Variants in CNTN3 observed in about 807,000 individuals in gnomAD.
CNTN3 encodes contactin 3, also known as contactin-3.
Under a neutral mutation model 119.1 loss-of-function variants are expected in CNTN3, and 60 were observed. The observed-to-expected ratio is 0.50, with a 90% confidence interval of 0.41 to 0.62. The LOEUF (loss-of-function observed/expected upper bound fraction) is 0.62. CNTN3 is among the 20% of genes least tolerant of loss of function. The pLI is 0.00. For synonymous variants in CNTN3, 450 were observed against 438.7 expected (o/e 1.03, Z -0.32); for missense variants, 1,101 against 1,242.4 (o/e 0.89, Z 1.71).
chr3:74,436,546 T>A (rs1038062379), intron 4 of CNTN3, among the ~76,000 whole-genome samples: 57 of 152,128 alleles, frequency 3.7e-4, no homozygotes, highest in African/African-American at 1.2e-3. Context: ...ACAAAACTAA[T>A]TACGCTAGTA....
intron 1 of CNTN3, among the ~76,000 whole-genome samples, chr3:74,537,006 A>ACAC (rs1191120593): frequency 6.6e-6 from 1 of 151,462 alleles, no homozygotes; most frequent in Non-Finnish European, 1.5e-5. Context: ...AAACACACAC[A>ACAC]CACACACAGC....
chr3:74,297,300 T>G (rs1255334159), intron 18 of CNTN3, among the ~76,000 whole-genome samples: 1 of 152,086 alleles, frequency 6.6e-6, no homozygotes, highest in Non-Finnish European at 1.5e-5. Context: ...ATAAACAGAT[T>G]TTTAAATTGA....
chr3:74,278,064 T>C (rs1338480161), intron 20 of CNTN3, among the ~76,000 whole-genome samples: 1 of 147,740 alleles, frequency 6.8e-6, no homozygotes, highest in Non-Finnish European at 1.5e-5. Context: ...AACCAGGAGA[T>C]GAAAGACCTC....
chr3:74,467,290 G>C (rs1406635943), intron 4 of CNTN3, among the ~76,000 whole-genome samples: 1 of 152,064 alleles, frequency 6.6e-6, no homozygotes, highest in African/African-American at 2.4e-5. Context: ...ATTATGAAAA[G>C]ATGTAGAGGG....
Position 74,366,780 on chromosome 3 carries a change from GTATATA to G in CNTN3, c.947-1084_947-1079del, listed in dbSNP as rs59223804. ...TGTGCGTGTGTGTGTGTGTGTGTGT[GTATATA>G]TATATATATATATATATATATAACT... On this transcript the variant is annotated intron_variant, in intron 8 of 22. Transcript: ENST00000263665. 8.9e-4 allele frequency among the ~76,000 whole-genome samples: 57 copies of G among 63,702 alleles called. 2 individuals carry two copies. The highest frequency in any genetic ancestry group is 9.5e-4 in the Admixed American group (5 of 5,270). 41.8% of individuals were successfully genotyped at this position (63,702 alleles called of 152,430 possible).
chr3:74,434,025 A>T (rs1264034812), intron 4 of CNTN3, among the ~76,000 whole-genome samples: 1 of 152,096 alleles, frequency 6.6e-6, no homozygotes, highest in African/African-American at 2.4e-5. Flanking sequence ...TTTCCTTAGG[A>T]TCTCCATCAT....
chr3:74,400,042 C>T lies in CNTN3; in HGVS notation c.454+24803G>A, dbSNP rs190865961. Among the ~76,000 whole-genome samples, 478 of 152,202 alleles carry T rather than the reference C, an allele frequency of 3.1e-3. 3 individuals are homozygous for T. The highest frequency in any genetic ancestry group is 0.011 in the African/African-American group (452 of 41,516). On this transcript the variant is annotated intron_variant, in intron 5 of 22. Coordinates refer to ENST00000263665, the MANE Select transcript of CNTN3 (RefSeq NM_020872.3). ...AATGACCTAGTTACACTGAAGGAATCTTTTAAAAAGTCATTATTAGTGTAC... is the reference window on the plus strand; with the variant it reads ...AATGACCTAGTTACACTGAAGGAATTTTTTAAAAAGTCATTATTAGTGTAC...
chr3:74,416,379 C>T (rs1437392030), intron 5 of CNTN3, among the ~76,000 whole-genome samples: 1 of 152,008 alleles, frequency 6.6e-6, no homozygotes, highest in African/African-American at 2.4e-5. Flanking sequence ...GTGATTATTC[C>T]CCATGTATAG....
At chr3:74,329,214 T>G (rs974441840) in intron 13 of CNTN3, among the ~76,000 whole-genome samples, 1 of 152,210 alleles carries the variant, frequency 6.6e-6, no homozygotes, top group African/African-American at 2.4e-5. Flanking sequence ...CTCAAGCTCA[T>G]GTGTAGCTGC....
intron 1 of CNTN3, among the ~76,000 whole-genome samples, chr3:74,602,696 C>T (rs1210664556): frequency 1.3e-5 from 2 of 151,960 alleles, no homozygotes; most frequent in African/African-American, 4.8e-5. Context: ...TGTATGAGAT[C>T]AAGAGAGGTA....
intron 5 of CNTN3, among the ~76,000 whole-genome samples, chr3:74,418,067 G>T (rs1211083505): frequency 1.3e-5 from 2 of 152,122 alleles, no homozygotes; most frequent in Non-Finnish European, 2.9e-5. Flanking sequence ...CATAAGTGCT[G>T]CTGTAATGCA....
intron 4 of CNTN3, among the ~76,000 whole-genome samples, chr3:74,477,659 T>G (rs1298408234): frequency 6.6e-6 from 1 of 152,058 alleles, no homozygotes; most frequent in East Asian, 1.9e-4. Flanking sequence ...GAATAAGATG[T>G]GCTAATTGCA....
At chr3:74,311,378 T>C (rs1046269672) in intron 13 of CNTN3, among the ~76,000 whole-genome samples, 2 of 152,178 alleles carry the variant, frequency 1.3e-5, no homozygotes, top group Non-Finnish European at 2.9e-5. Context: ...GTAAAGTGCA[T>C]GATCTAAAAT....
At chr3:74,574,924 T>TA (rs1704389883) in intron 1 of CNTN3, among the ~76,000 whole-genome samples, 1 of 118,534 alleles carries the variant, frequency 8.4e-6, no homozygotes, top group African/African-American at 3.9e-5. Flanking sequence ...AGAAGCATTT[T>TA]CTTTTTTTTT....
chr3:74,359,550 G>C (rs1178888657), intron 11 of CNTN3, among the ~76,000 whole-genome samples: 1 of 152,018 alleles, frequency 6.6e-6, no homozygotes, highest in Non-Finnish European at 1.5e-5. Flanking sequence ...ATCTATACTT[G>C]TATTAAGTAT....
intron 5 of CNTN3, among the ~76,000 whole-genome samples, chr3:74,424,069 T>C (rs1272824393): frequency 6.6e-6 from 1 of 152,212 alleles, no homozygotes; most frequent in East Asian, 1.9e-4. Context: ...CCAATAATTC[T>C]CATCCTCTCA....
chr3:74,271,258 AC>A (rs200077252), intron 20 of CNTN3, among the ~76,000 whole-genome samples: 2,273 of 152,326 alleles, frequency 0.015, 51 homozygotes, highest in South Asian at 0.057. Context: ...ACGGGCAGTT[AC>A]GATACAGTAT....
intron 4 of CNTN3, among the ~76,000 whole-genome samples, chr3:74,459,257 C>A (rs1160007224): frequency 2.0e-5 from 3 of 151,996 alleles, no homozygotes; most frequent in African/African-American, 7.2e-5. Flanking sequence ...TCATCCTTCA[C>A]TCACTCTTCC....
At chr3:74,281,900 A>G (rs867884864) in intron 20 of CNTN3, among the ~76,000 whole-genome samples, 5 of 152,354 alleles carry the variant, frequency 3.3e-5, no homozygotes, top group South Asian at 2.1e-4. Context: ...GAGTGTCTGG[A>G]TCCATTCATA....
Sources: gnomAD v4.1 joint callset for allele counts (sites outside exome capture counted in the v4.1 genomes callset) on GRCh38, gnomAD v4.1.1 for gene constraint, MANE v1.5 for transcripts, NCBI Gene and HGNC (gene_info 2026-07-23, HGNC 2026-07-21) for gene names.